Variants in RIPK1 observed in about 807,000 individuals in gnomAD.
RIPK1 encodes the protein receptor interacting serine/threonine kinase 1, also known as receptor-interacting serine/threonine-protein kinase 1.
A neutral mutation model predicts 62.4 loss-of-function variants in RIPK1; 27 were observed. The observed-to-expected ratio is 0.43, with a 90% confidence interval of 0.32 to 0.60. RIPK1 has a LOEUF of 0.60. Among genes scored for constraint, RIPK1 ranks in the 20% least tolerant of loss-of-function variants. The pLI, the probability that RIPK1 is intolerant of heterozygous loss-of-function variation, is 0.07. For synonymous variants in RIPK1, 287 were observed against 303.2 expected (o/e 0.95, Z 0.55); for missense variants, 735 against 831.0 (o/e 0.88, Z 1.42).
upstream of RIPK1, among the ~76,000 whole-genome samples, chr6:3,065,160 G>A (rs1393464721): frequency 1.5e-4 from 22 of 151,292 alleles, no homozygotes; most frequent in African/African-American, 5.3e-4. Flanking sequence ...GGGAGGCTGA[G>A]GCAGGAGAAT....
chr6:3,090,435 G>A (rs1482732462), intron 7 of RIPK1, among the ~76,000 whole-genome samples: 1 of 152,098 alleles, frequency 6.6e-6, no homozygotes, highest in Admixed American at 6.5e-5. Flanking sequence ...AATCAGCTAA[G>A]ATAAACTCTA....
intron 6 of RIPK1, among the ~76,000 whole-genome samples, chr6:3,086,970 T>G (rs959781709): frequency 6.6e-6 from 1 of 152,228 alleles, no homozygotes; most frequent in African/African-American, 2.4e-5. Flanking sequence ...TCCAAGGATT[T>G]TAGGTGCTAC....
In RIPK1 at chr6:3,105,391, T is replaced by C. The variant is rs17513513; in HGVS notation, c.1007-91T>C. ...CTCGTACTTGTTTTCTGTGTGTTAC[T>C]TTGAGATACAGATTCATGACGGCGC... On this transcript the variant is annotated intron_variant, in intron 8 of 10. Transcript: ENST00000259808. This position sits in a 1 kb window ranked among gnomAD's most constrained non-coding sequence, Gnocchi z 4.5. 5.7e-4 allele frequency: 572 copies of C among 1,011,436 alleles called. 4 individuals carry two copies. The African/African-American group carries it at 8.6e-3, about 15-fold the overall frequency. The allele number at this position is 1,011,436 out of a possible 1,614,324, so 62.7% of individuals were successfully genotyped here. A position where few individuals can be genotyped will look rare whatever the true frequency, so the allele number is the denominator to read the frequency against.
intron 6 of RIPK1, among the ~76,000 whole-genome samples, chr6:3,087,004 T>C (rs9503389): frequency 0.1 from 15,214 of 152,234 alleles, 2,515 homozygotes; most frequent in African/African-American, 0.35. Flanking sequence ...AATCAAACCT[T>C]CCTGATTCTC....
chr6:3,088,398 C>G (rs1180998960), intron 6 of RIPK1, among the ~76,000 whole-genome samples: 1 of 152,226 alleles, frequency 6.6e-6, no homozygotes, highest in African/African-American at 2.4e-5. Context: ...CTCCACTAGA[C>G]CTCCTCTGAC....
At chr6:3,098,177 CAATAAATA>C (rs146915536) in intron 7 of RIPK1, among the ~76,000 whole-genome samples, 3 of 151,870 alleles carry the variant, frequency 2.0e-5, no homozygotes, top group Non-Finnish European at 2.9e-5. Context: ...ACCCCATCTC[CAATAAATA>C]AATAAATAAA....
At chr6:3,082,133 T>C (rs1395767615) in intron 4 of RIPK1, among the ~76,000 whole-genome samples, 1 of 151,918 alleles carries the variant, frequency 6.6e-6, no homozygotes, top group Non-Finnish European at 1.5e-5. Flanking sequence ...AGCACAAGAA[T>C]CCAAAAGGGG....
chr6:3,078,822 C>T (rs191828196), intron 3 of RIPK1, among the ~76,000 whole-genome samples: 43 of 152,118 alleles, frequency 2.8e-4, no homozygotes, highest in Admixed American at 1.7e-3. Flanking sequence ...GAAGGCCTTG[C>T]GCTAGTTGCT....
At chr6:3,098,078 G>A (rs1359540402) in intron 7 of RIPK1, among the ~76,000 whole-genome samples, 5 of 152,200 alleles carry the variant, frequency 3.3e-5, no homozygotes, top group African/African-American at 9.6e-5. Context: ...GCCCACTTTC[G>A]GTCCCAGCTA....
intron 6 of RIPK1, 113 bp from the exon 7 acceptor site, chr6:3,089,468 T>C (rs1561760865): frequency 3.0e-6 from 2 of 657,946 alleles, no homozygotes; most frequent in South Asian, 1.8e-5. Context: ...TAAATTTTTA[T>C]TTAAGCTTTG....
chr6:3,067,811 C>T (rs1758451933), upstream of RIPK1, among the ~76,000 whole-genome samples: 1 of 151,742 alleles, frequency 6.6e-6, no homozygotes, highest in African/African-American at 2.4e-5. Flanking sequence ...GGCGCGATCT[C>T]GGCTCACTAC....
chr6:3,111,383 G>A (rs1166671571), intron 10 of RIPK1, among the ~76,000 whole-genome samples: 1 of 152,148 alleles, frequency 6.6e-6, no homozygotes, highest in East Asian at 1.9e-4. Context: ...AAAATCAAGA[G>A]GGCTATCTCT....
chr6:3,074,969 G>A (rs775375928), intron 1 of RIPK1, among the ~76,000 whole-genome samples: 3 of 152,224 alleles, frequency 2.0e-5, no homozygotes, highest in Middle Eastern at 3.4e-3. Flanking sequence ...CGTGAGCCAC[G>A]GCGCCCAGCC....
chr6:3,100,099 T>G (rs1319653242), intron 7 of RIPK1, among the ~76,000 whole-genome samples: 1 of 152,138 alleles, frequency 6.6e-6, no homozygotes, highest in East Asian at 1.9e-4. Context: ...AAAACAATAC[T>G]TACAGTGTGG....
chr6:3,101,853 A>G lies in RIPK1; in HGVS notation c.916-2372A>G, dbSNP rs150742637. Among the ~76,000 whole-genome samples the G allele has an allele frequency of 3.7e-3, 570 of 152,294 alleles. 6 individuals are homozygous for G. The highest frequency in any genetic ancestry group is 0.013 in the African/African-American group (555 of 41,550). On this transcript the variant is annotated intron_variant, in intron 7 of 10. Transcript: ENST00000259808. ...TGAACAATCCAGTGGCATTAAGTAC[A>G]TTCATAATGTTGTGCGGCCATTACC...
chr6:3,090,293 C>T (rs1050661799), intron 7 of RIPK1, among the ~76,000 whole-genome samples: 3 of 152,224 alleles, frequency 2.0e-5, no homozygotes, highest in South Asian at 2.1e-4. Context: ...GAGACCACCC[C>T]GCCCCCCTGC....
rs374891428 is a variant in RIPK1, at chr6:3,082,662, TGTA to T, written c.460-419_460-417del. Among the ~76,000 whole-genome samples, 94 of 152,206 alleles carry T rather than the reference TGTA, an allele frequency of 6.2e-4. 1 individual carries two copies. In the South Asian group the frequency reaches 0.013, roughly 22 times the overall value. ...GGACGCCATTTGGGGAAATAGAAGG[TGTA>T]GTATTTAGCCACTGTCTGCTGCATA... On this transcript the variant is annotated intron_variant, in intron 4 of 10. Coordinates refer to ENST00000259808, the MANE Select transcript of RIPK1 (RefSeq NM_001354930.2).
chr6:3,096,385 G>T (rs1391148526), intron 7 of RIPK1, among the ~76,000 whole-genome samples: 2 of 151,848 alleles, frequency 1.3e-5, no homozygotes, highest in Non-Finnish European at 1.5e-5. Context: ...CTTACAAAAG[G>T]TATGTAGTAA....
At chr6:3,110,724 CCTG>C (rs1389970757) in intron 9 of RIPK1, 76 bp from the exon 10 acceptor site, 6 of 871,356 alleles carry the variant, frequency 6.9e-6, no homozygotes, top group Non-Finnish European at 1.0e-5. Flanking sequence ...GGCATAAAGC[CCTG>C]CTTTTTTGCC....
Sources: allele counts gnomAD v4.1 joint callset (sites outside exome capture counted in the v4.1 genomes callset), GRCh38; gene constraint gnomAD v4.1.1; non-coding constraint Gnocchi (gnomAD v3.1); transcripts MANE v1.5; gene names NCBI Gene and HGNC (gene_info 2026-07-23, HGNC 2026-07-21).